Variants in ZNF404 observed in about 807,000 individuals in gnomAD.
The protein encoded by ZNF404 is zinc finger protein 404.
ZNF404 carries 7 observed loss-of-function variants against 7.3 expected under a neutral mutation model. The ratio of observed to expected loss-of-function variants is 0.95; its 90% confidence interval spans 0.54 to 1.79. The LOEUF is 1.79. Among genes scored for constraint, ZNF404 ranks in the 40% most tolerant of loss-of-function variants. ZNF404 has a pLI of 0.00. For synonymous variants in ZNF404, 191 were observed against 209.9 expected (o/e 0.91, Z 0.78); for missense variants, 560 against 661.5 (o/e 0.85, Z 1.68).
chr19:43,880,879 G>C (rs775449498), intron 1 of ZNF404, among the ~76,000 whole-genome samples: 2 of 152,106 alleles, frequency 1.3e-5, no homozygotes, highest in Non-Finnish European at 2.9e-5. Context: ...AAATCTAACA[G>C]TATATAAGAA....
At chr19:43,881,852 G>C (rs1431889119) in intron 1 of ZNF404, 1 of 151,910 alleles carries the variant, frequency 6.6e-6, no homozygotes, top group Non-Finnish European at 1.5e-5. Context: ...AGCTTCTCAG[G>C]AGGCTGAGGC....
Position 43,873,479 on chromosome 19 carries a change from A to G in ZNF404, c.735T>C (p.Cys245=). Residue 245 remains cysteine (C), a synonymous_variant, in exon 3 of 3, where the codon TGT becomes TGC. Transcript: ENST00000587539. ...ATCTAAACGTTTCCCCACATTCCTTACATTCAAAGGGTTTCAAGCCAACAT... is the reference window on the plus strand; with the variant it reads ...ATCTAAACGTTTCCCCACATTCCTTGCATTCAAAGGGTTTCAAGCCAACAT... ...KIHVGLKPFE[C]KECGETFRLY... 1 of 1,613,618 alleles carries G rather than the reference A, an allele frequency of 6.2e-7. No individual in the cohort carries two copies. The highest frequency in any genetic ancestry group is 8.5e-7 in the Non-Finnish European group (1 of 1,179,688).
intron 1 of ZNF404, among the ~76,000 whole-genome samples, chr19:43,882,065 T>C (rs1971899661): frequency 1.3e-5 from 2 of 152,024 alleles, no homozygotes; most frequent in South Asian, 2.1e-4. Context: ...CTAGACAACA[T>C]TGAAGAAGAG....
chr19:43,872,892 C>T lies in ZNF404; in HGVS notation c.1322G>A (p.Cys441Tyr), dbSNP rs746264908. 6 of 1,607,572 alleles carry T rather than the reference C, an allele frequency of 3.7e-6. No homozygotes were observed. The Admixed American group carries it at 1.0e-4, about 27-fold the overall frequency. Residue 441 changes from cysteine to tyrosine, a missense_variant, in exon 3 of 3, where the codon TGT becomes TAT. By Grantham distance (194) the Cys-to-Tyr change is radical (BLOSUM62 -2). Transcript: ENST00000587539. This position sits in a 1 kb window ranked among gnomAD's most constrained non-coding sequence, Gnocchi z 4.4. Reference sequence around the variant, plus strand: ...TCTAAAGGTTTTTCCACATTCCTTACATTCATAGGGTTTCTCCCCAGCATG... The same window carrying T: ...TCTAAAGGTTTTTCCACATTCCTTATATTCATAGGGTTTCTCCCCAGCATG... ...SIHAGEKPYE[C>Y]KECGKTFRLN...
chr19:43,879,892 T>C (rs2146621065), intron 2 of ZNF404, 118 bp downstream of exon 2: 1 of 1,336,172 alleles, frequency 7.5e-7, no homozygotes, highest in Non-Finnish European at 1.0e-6. Flanking sequence ...CCTAACAAAC[T>C]TTGAGAATAT....
chr19:43,880,842 C>T (rs181704764), intron 1 of ZNF404, among the ~76,000 whole-genome samples: 2 of 152,172 alleles, frequency 1.3e-5, no homozygotes, highest in East Asian at 1.9e-4. Context: ...ACAGATGCAA[C>T]GATTCCAAAC....
chr19:43,882,181 A>G (rs569269961), intron 1 of ZNF404, among the ~76,000 whole-genome samples: 2 of 152,314 alleles, frequency 1.3e-5, no homozygotes, highest in South Asian at 4.1e-4. Context: ...TCAATGGAAC[A>G]GAGTTGAGAA....
At chr19:43,881,442 G>C (rs1971894139) in intron 1 of ZNF404, among the ~76,000 whole-genome samples, 1 of 152,076 alleles carries the variant, frequency 6.6e-6, no homozygotes, top group South Asian at 2.1e-4. Context: ...GCAACAATTG[G>C]TGGAAATTAA....
chr19:43,874,071 T>G lies in ZNF404; in HGVS notation c.143A>C (p.Asn48Thr), dbSNP rs776961166. Residue 48 changes from asparagine (N) to threonine (T), a missense_variant, in exon 3 of 3, where the codon AAT becomes ACT. By Grantham distance (65) the Asn-to-Thr change is moderately conservative. Coordinates refer to ENST00000587539, the MANE Select transcript of ZNF404 (RefSeq NM_001033719.3). Reference protein sequence around the residue: ...NYTNLVSLDFNFTTESNKLSS... With the variant: ...NYTNLVSLDFTFTTESNKLSS... The stretch of plus-strand genomic sequence containing the variant: ...TAACTTGTTGCTTTCAGTTGTGAAA[T>G]TAAAGTCTGGAAGAAAATGAAAAAA... The G allele has an allele frequency of 1.9e-6, 3 of 1,557,786 alleles. No individual in the cohort carries two copies. The East Asian group carries it at 6.7e-5, about 35-fold the overall frequency.
chr19:43,874,021 C>G lies in ZNF404; in HGVS notation c.193G>C (p.Val65Leu). 6 of 1,587,032 alleles carry G rather than the reference C, an allele frequency of 3.8e-6. No individual in the cohort carries two copies. The highest frequency in any genetic ancestry group is 1.7e-4 in the Middle Eastern group (1 of 5,858). The change falls in exon 3 of 3, where the codon GTA becomes CTA. Residue 65 changes from valine (V) to leucine (L), a missense_variant. Physicochemically the swap from Val to Leu is conservative, Grantham distance 32 (BLOSUM62 1). Transcript: ENST00000587539. ...CATGTCTCCTGATGGTACGCATTTA[C>G]TTCATAATTTCTTTTTTCTGAAGAT... is the stretch of plus-strand genomic sequence containing the variant. ...KLSSEKRNYE[V>L]NAYHQETWKR...
In ZNF404 at chr19:43,873,053, T is replaced by G. The variant is rs78264306; in HGVS notation, c.1161A>C (p.Glu387Asp). The change falls in exon 3 of 3, where the codon GAA becomes GAC. Residue 387 changes from glutamate to aspartate, a missense_variant. Coordinates refer to ENST00000587539, the MANE Select transcript of ZNF404 (RefSeq NM_001033719.3). ...HTGEKPHECK[E>D]CGKTFKLHSY... ...AATGAAGCTTAAAAGTCTTCCCACA[T>G]TCTTTACATTCATGTGGCTTCTCAC... 15,280 of 1,610,948 alleles carry G rather than the reference T, an allele frequency of 9.5e-3. 88 individuals are homozygous for G. Among genetic ancestry groups the G allele is most frequent in the Middle Eastern group, 0.011 (69 of 6,056 alleles).
At chr19:43,879,916 A>G in intron 2 of ZNF404, 94 bp downstream of exon 2, 2 of 1,476,142 alleles carry the variant, frequency 1.4e-6, no homozygotes, top group Non-Finnish European at 1.9e-6. Context: ...GCAGAAATGT[A>G]GCTGGTTTCT....
rs779090148 is a variant in ZNF404 at position 43,873,428 on chromosome 19, C to T, written c.786G>A (p.Gln262=). Residue 262 remains glutamine (Q), a synonymous_variant, in exon 3 of 3, where the codon CAG becomes CAA. Transcript: ENST00000587539. The part of the protein sequence containing the change: ...FRLYRHMCLH[Q]KIHHGVKPYK... ...AGGGTTTCACACCATGATGAATTTT[C>T]TGATGCAGACACATATGTCGATATA... 1.9e-6 allele frequency: 3 copies of T among 1,613,552 alleles called. No homozygotes were observed. Among genetic ancestry groups the T allele is most frequent in the African/African-American group, 2.7e-5 (2 of 75,018 alleles).
intron 1 of ZNF404, among the ~76,000 whole-genome samples, chr19:43,883,057 C>T (rs763031707): frequency 3.3e-5 from 5 of 151,294 alleles, no homozygotes; most frequent in South Asian, 2.1e-4. Flanking sequence ...GCCAAGATAA[C>T]GCCACTGTAC....
chr19:43,875,383 A>G (rs1971844677), intron 2 of ZNF404, among the ~76,000 whole-genome samples: 1 of 152,082 alleles, frequency 6.6e-6, no homozygotes, highest in African/African-American at 2.4e-5. Context: ...GTGTTTCTTC[A>G]ATGCCTTTCC....
rs900035140 is a variant in ZNF404 at position 43,883,854 on chromosome 19, A to G, written c.9+102T>C. Reference sequence around the variant, plus strand: ...AGGAATGTGAAATAGGTTCCAAGAGAGAGCTTTCTGAGATAGGAGGTTTCA... The same window carrying G: ...AGGAATGTGAAATAGGTTCCAAGAGGGAGCTTTCTGAGATAGGAGGTTTCA... On this transcript the variant is annotated intron_variant, in intron 1 of 2. Transcript: ENST00000587539. 2.4e-6 allele frequency: 3 copies of G among 1,275,732 alleles called. No homozygotes were observed. The African/African-American group carries it at 4.4e-5, about 19-fold the overall frequency. 79.0% of individuals were successfully genotyped at this position (1,275,732 alleles called of 1,614,324 possible).
Position 43,874,039 on chromosome 19 carries a change from C to T in ZNF404, c.175G>A (p.Glu59Lys), listed in dbSNP as rs1971834803. 1 of 1,578,150 alleles carries T rather than the reference C, an allele frequency of 6.3e-7. No individual in the cohort carries two copies. The highest frequency in any genetic ancestry group is 1.2e-5 in the South Asian group (1 of 84,678). The change falls in exon 3 of 3, where the codon GAA (glutamate) becomes AAA (lysine). Residue 59 changes from glutamate (E) to lysine (K), a missense_variant. Transcript: ENST00000587539. ...FTTESNKLSS[E>K]KRNYEVNAYH... ...GCATTTACTTCATAATTTCTTTTTT[C>T]TGAAGATAACTTGTTGCTTTCAGTT... is the stretch of plus-strand genomic sequence containing the variant.
At chr19:43,883,363 C>T (rs1027213596) in intron 1 of ZNF404, among the ~76,000 whole-genome samples, 41 of 152,186 alleles carry the variant, frequency 2.7e-4, no homozygotes, top group African/African-American at 9.1e-4. Flanking sequence ...TCCAGAACAA[C>T]CTTGATTCCC....
chr19:43,874,258 A>G lies in ZNF404; in HGVS notation c.137-181T>C, dbSNP rs547004812. The stretch of plus-strand genomic sequence containing the variant: ...GGCAAGAAGGGCTCAGAAAATTATG[A>G]AAGTGCACAGGAGGATGTAAGATTT... On this transcript the variant is annotated intron_variant, in intron 2 of 2. Transcript: ENST00000587539. Among the ~76,000 whole-genome samples, 7 of 152,268 alleles carry G rather than the reference A, an allele frequency of 4.6e-5. No individual in the cohort carries two copies. The East Asian group carries it at 1.3e-3, about 29-fold the overall frequency.
Sources: gnomAD v4.1 joint callset for allele counts (sites outside exome capture counted in the v4.1 genomes callset) on GRCh38, gnomAD v4.1.1 for gene constraint, Gnocchi (gnomAD v3.1) non-coding constraint, MANE v1.5 for transcripts, NCBI Gene and HGNC (gene_info 2026-07-23, HGNC 2026-07-21) for gene names.